ANKRD30B: variants seen among roughly 807,000 people sequenced by gnomAD.
ANKRD30B encodes the protein ankyrin repeat domain-containing protein 30B.
In ANKRD30B, 144 loss-of-function variants were observed where a neutral mutation model predicts 202.2. The ratio of observed to expected loss-of-function variants is 0.71; its 90% confidence interval spans 0.62 to 0.82. The LOEUF is 0.82. ANKRD30B is among the 40% of genes least tolerant of loss of function. The probability of loss-of-function intolerance (pLI) is 0.00; values close to 1 mark genes in which losing one functional copy is unlikely to be tolerated. For synonymous variants in ANKRD30B, 508 were observed against 561.3 expected, an observed-to-expected ratio of 0.91 and a Z score of 1.34; for missense variants, 1,487 against 1,669.1, an observed-to-expected ratio of 0.89 and a Z score of 1.90.
At position 14,808,748 on chromosome 18, in the gene ANKRD30B, A is replaced by C. The variant is rs11875576; in HGVS notation, c.2386+4A>C. On this transcript the variant is annotated splice_donor_region_variant and intron_variant, in intron 26 of 43. Coordinates refer to ENST00000690538, the MANE Select transcript of ANKRD30B (RefSeq NM_001367607.2). ...GACAGAGAAACACTCAAAGCAGGTAAATTTTGTAATTTAAATTTTAATCTG... is the reference window on the plus strand; with the variant it reads ...GACAGAGAAACACTCAAAGCAGGTACATTTTGTAATTTAAATTTTAATCTG... 4.0e-3 allele frequency: 5,753 copies of C among 1,445,284 alleles called. 327 individuals are homozygous for C. The African/African-American group carries it at 0.058, about 15-fold the overall frequency. The allele number at this position is 1,445,284 out of a possible 1,614,324, so 89.5% of individuals were successfully genotyped here.
the ANKRD30B span, among the ~76,000 whole-genome samples, chr18:14,928,171 C>T: frequency 1.3e-5 from 2 of 152,006 alleles, no homozygotes; most frequent in Non-Finnish European, 2.9e-5. Context: ...TTTCAGCATG[C>T]TGGCCAGGCT....
At chr18:14,938,029 C>T in the ANKRD30B span, among the ~76,000 whole-genome samples, 1 of 152,186 alleles carries the variant, frequency 6.6e-6, no homozygotes, top group Middle Eastern at 3.2e-3. Flanking sequence ...TTTTCCATTC[C>T]GCACTGATGA....
chr18:14,926,931 G>A, the ANKRD30B span, among the ~76,000 whole-genome samples: 1 of 151,998 alleles, frequency 6.6e-6, no homozygotes, highest in South Asian at 2.1e-4. Context: ...GGTTGTGTGT[G>A]TGTGTGTGTG....
chr18:14,892,854 G>T, the ANKRD30B span, among the ~76,000 whole-genome samples: 1 of 151,770 alleles, frequency 6.6e-6, no homozygotes, highest in Non-Finnish European at 1.5e-5. Context: ...GGAGGCAGAG[G>T]TTGCAATGAG....
the ANKRD30B span, among the ~76,000 whole-genome samples, chr18:14,889,807 C>T: frequency 6.6e-5 from 10 of 151,344 alleles, no homozygotes; most frequent in South Asian, 2.1e-3. Flanking sequence ...AAGAACAAGC[C>T]ATTTGTCCAA....
the ANKRD30B span, among the ~76,000 whole-genome samples, chr18:14,906,824 A>G: frequency 1.3e-5 from 2 of 150,096 alleles, no homozygotes; most frequent in Non-Finnish European, 3.0e-5. Flanking sequence ...GCTTGGTTTT[A>G]TACATTTTAG....
chr18:14,858,715 C>T (rs1320434085), downstream of ANKRD30B, among the ~76,000 whole-genome samples: 15 of 144,550 alleles, frequency 1.0e-4, no homozygotes, highest in African/African-American at 3.0e-4. Context: ...CACTCCTCAC[C>T]TCCCAGACGG....
chr18:14,900,898 G>A, the ANKRD30B span, among the ~76,000 whole-genome samples: 1 of 152,216 alleles, frequency 6.6e-6, no homozygotes, highest in African/African-American at 2.4e-5. Context: ...ACTTCCAGAT[G>A]TTTTTGTGGA....
the ANKRD30B span, among the ~76,000 whole-genome samples, chr18:14,886,333 C>T: frequency 6.6e-6 from 1 of 151,596 alleles, no homozygotes; most frequent in Non-Finnish European, 1.5e-5. Flanking sequence ...GGATGGAGGC[C>T]CCTTACAGTT....
intron 20 of ANKRD30B, among the ~76,000 whole-genome samples, chr18:14,798,354 AG>A (rs779643379): frequency 6.6e-6 from 1 of 152,176 alleles, no homozygotes; most frequent in Non-Finnish European, 1.5e-5. Flanking sequence ...GCAGAAATAC[AG>A]TACACAGGGA....
chr18:14,860,671 C>T, the ANKRD30B span, among the ~76,000 whole-genome samples: 24 of 151,304 alleles, frequency 1.6e-4, no homozygotes, highest in Non-Finnish European at 2.4e-4. Flanking sequence ...TGGGGCCTAG[C>T]GTTAGTCTTC....
intron 39 of ANKRD30B, among the ~76,000 whole-genome samples, chr18:14,845,396 T>A (rs1971594220): frequency 6.6e-6 from 1 of 152,406 alleles, no homozygotes; most frequent in South Asian, 2.1e-4. Context: ...GATCAGAGGG[T>A]AATTTTCACA....
chr18:14,810,428 C>G (rs1969848718), intron 28 of ANKRD30B, among the ~76,000 whole-genome samples: 2 of 151,164 alleles, frequency 1.3e-5, no homozygotes, highest in African/African-American at 4.9e-5. Flanking sequence ...TGTAAAGTTT[C>G]CAATTTGCAA....
Position 14,754,955 on chromosome 18 carries a change from A to C in ANKRD30B, c.567A>C (p.Glu189Asp). 1 of 1,555,260 alleles carries C rather than the reference A, an allele frequency of 6.4e-7. No homozygotes were observed. The highest frequency in any genetic ancestry group is 8.7e-7 in the Non-Finnish European group (1 of 1,149,286). Residue 189 changes from glutamate (E) to aspartate (D), a missense_variant, in exon 4 of 44, where the codon GAA becomes GAC. Coordinates refer to ENST00000690538, the MANE Select transcript of ANKRD30B (RefSeq NM_001367607.2). ...AGAAAAGAAGCAAGCAAACTGTGGAATTTTTACTAACAAAAAATGCAAATG... is the reference window on the plus strand; with the variant it reads ...AGAAAAGAAGCAAGCAAACTGTGGACTTTTTACTAACAAAAAATGCAAATG... ...AIQKRSKQTV[E>D]FLLTKNANAN...
the ANKRD30B span, among the ~76,000 whole-genome samples, chr18:14,923,811 C>T: frequency 6.6e-6 from 1 of 152,234 alleles, no homozygotes. Flanking sequence ...TTCTTCCAAA[C>T]AGTCTCTCTC....
intron 12 of ANKRD30B, among the ~76,000 whole-genome samples, chr18:14,783,597 A>G (rs1967888522): frequency 6.6e-6 from 1 of 152,180 alleles, no homozygotes. Flanking sequence ...TACTTGAATA[A>G]TAAGATTGCT....
At chr18:14,849,893 CTG>C (rs1312856785) in intron 40 of ANKRD30B, among the ~76,000 whole-genome samples, 1 of 151,386 alleles carries the variant, frequency 6.6e-6, no homozygotes, top group Non-Finnish European at 1.5e-5. Context: ...CTAATTTTGA[CTG>C]TGTGATATTT....
At chr18:14,874,989 C>T in the ANKRD30B span, among the ~76,000 whole-genome samples, 4 of 152,166 alleles carry the variant, frequency 2.6e-5, no homozygotes, top group Non-Finnish European at 4.4e-5. Flanking sequence ...TCAGGCTGCA[C>T]GTGTGTGTAA....
chr18:14,852,604 G>GT, intron 42 of ANKRD30B, 184 bp downstream of exon 42: 1 of 756,586 alleles, frequency 1.3e-6, no homozygotes, highest in Non-Finnish European at 1.8e-6. Flanking sequence ...TTTACTTTGA[G>GT]TAAAGGTATT....
Sources: gnomAD v4.1 joint callset for allele counts (sites outside exome capture counted in the v4.1 genomes callset) on GRCh38, gnomAD v4.1.1 for gene constraint, MANE v1.5 for transcripts, NCBI Gene and HGNC (gene_info 2026-07-23, HGNC 2026-07-21) for gene names.